Variants in UBR7 observed in about 807,000 individuals in gnomAD.
UBR7 encodes putative E3 ubiquitin-protein ligase UBR7.
A neutral mutation model predicts 57.0 loss-of-function variants in UBR7; 22 were observed. The observed-to-expected ratio is 0.39, with a 90% confidence interval of 0.28 to 0.55. UBR7 has a LOEUF of 0.55. Ranked by LOEUF, UBR7 falls within the 20% of genes least tolerant of loss-of-function variation. The probability of loss-of-function intolerance (pLI) is 0.69; values close to 1 mark genes in which losing one functional copy is unlikely to be tolerated. For missense variants in UBR7, 395 were observed against 513.2 expected (o/e 0.77, Z 2.23); for synonymous variants, 167 against 179.8 (o/e 0.93, Z 0.57).
At position 93,218,680 on chromosome 14, in the gene UBR7, A is replaced by C. The variant is rs758341511; in HGVS notation, c.755A>C (p.Lys252Thr). 1.1e-5 allele frequency: 17 copies of C among 1,614,086 alleles called. No individual in the cohort carries two copies. In the East Asian group the frequency reaches 2.2e-4, roughly 21 times the overall value. The change falls in exon 7 of 11, where the codon AAA (lysine) becomes ACA (threonine). Residue 252 changes from lysine to threonine, a missense_variant. Transcript: ENST00000013070. Reference protein sequence around the residue: ...EQGKDDVREVKVEQNSEPCAG... With the variant: ...EQGKDDVREVTVEQNSEPCAG... ...GGAAAGGATGATGTCCGGGAGGTTAAAGTAGAGCAGAACAGTGAACCATGT... is the reference window on the plus strand; with the variant it reads ...GGAAAGGATGATGTCCGGGAGGTTACAGTAGAGCAGAACAGTGAACCATGT...
chr14:93,229,073 C>T lies in UBR7; in HGVS notation c.*2038C>T. ...CCAACATATTAATGCATGTTTTATG[C>T]AAAACACAAATATGATATTAGTTGC... is the stretch of plus-strand genomic sequence containing the variant. On this transcript the variant is annotated 3_prime_UTR_variant, in exon 11 of 11. Transcript: ENST00000013070. The T allele has an allele frequency of 2.6e-6, 1 of 390,856 alleles. No individual in the cohort carries two copies. The highest frequency in any genetic ancestry group is 1.9e-5 in the South Asian group (1 of 52,946). The allele number at this position is 390,856 out of a possible 1,614,324, so 24.2% of individuals were successfully genotyped here.
chr14:93,208,270 A>C (rs1430614930), intron 1 of UBR7, among the ~76,000 whole-genome samples: 1 of 152,128 alleles, frequency 6.6e-6, no homozygotes, highest in Non-Finnish European at 1.5e-5. Flanking sequence ...GGATTGGAAC[A>C]CTGGGGAGAT....
intron 10 of UBR7, among the ~76,000 whole-genome samples, chr14:93,224,418 G>A (rs563378289): frequency 2.3e-4 from 28 of 121,128 alleles, no homozygotes; most frequent in South Asian, 1.3e-3. Flanking sequence ...TTGCTCTGTC[G>A]CCTAGGTTGG....
chr14:93,226,792 C>CA (rs55907535), intron 10 of UBR7, 151 bp from the exon 11 acceptor site: 9,292 of 344,296 alleles, frequency 0.027, 30 homozygotes, highest in African/African-American at 0.037. Flanking sequence ...CACTCCATCT[C>CA]AAAAAAAAAA....
chr14:93,225,603 A>G (rs955160395), intron 10 of UBR7, among the ~76,000 whole-genome samples: 1 of 152,202 alleles, frequency 6.6e-6, no homozygotes, highest in Non-Finnish European at 1.5e-5. Context: ...TCTGTACTCC[A>G]GCCTGGGTGA....
At position 93,227,257 on chromosome 14, in the gene UBR7, C is replaced by T. The variant is rs769546428; in HGVS notation, c.*222C>T. The T allele has an allele frequency of 2.7e-5, 17 of 628,914 alleles. No individual in the cohort carries two copies. The highest frequency in any genetic ancestry group is 2.0e-4 in the East Asian group (6 of 30,506). The allele number at this position is 628,914 out of a possible 1,614,324, so 39.0% of individuals were successfully genotyped here. On this transcript the variant is annotated 3_prime_UTR_variant, in exon 11 of 11. Transcript: ENST00000013070. The stretch of plus-strand genomic sequence containing the variant: ...CTGATGCAGCTCATTCCACAGACTT[C>T]TCCAGTGTACTCCTACTCCAGTGCA...
rs1236894554 is a variant in UBR7 at position 93,228,124 on chromosome 14, A to G, written c.*1089A>G. ...GATTACAAACAAGGCCCGAGGCTGC[A>G]CGAATGATGAGTTTTGTGTATATAA... is the stretch of plus-strand genomic sequence containing the variant. On this transcript the variant is annotated 3_prime_UTR_variant, in exon 11 of 11. Coordinates refer to ENST00000013070, the MANE Select transcript of UBR7 (RefSeq NM_175748.4). 1 of 654,996 alleles carries G rather than the reference A, an allele frequency of 1.5e-6. No homozygotes were observed. The highest frequency in any genetic ancestry group is 2.1e-5 in the Admixed American group (1 of 48,550). 40.6% of individuals were successfully genotyped at this position (654,996 alleles called of 1,614,324 possible).
At chr14:93,221,480 C>T (rs1469704314) in intron 9 of UBR7, among the ~76,000 whole-genome samples, 2 of 151,124 alleles carry the variant, frequency 1.3e-5, no homozygotes, top group African/African-American at 4.9e-5. Context: ...GTCTCGAACT[C>T]CCGAGCTGAG....
intron 9 of UBR7, among the ~76,000 whole-genome samples, chr14:93,222,105 C>CTT (rs746135012): frequency 7.4e-6 from 1 of 135,632 alleles, no homozygotes; most frequent in Non-Finnish European, 1.6e-5. Context: ...AAAAATTTTG[C>CTT]TTTTTTTTTT....
chr14:93,217,587 TTCTGTC>T (rs1894615888), intron 6 of UBR7, among the ~76,000 whole-genome samples: 1 of 152,256 alleles, frequency 6.6e-6, no homozygotes, highest in Non-Finnish European at 1.5e-5. Flanking sequence ...TCTTGTATTA[TTCTGTC>T]TCTAACAAGT....
At position 93,227,171 on chromosome 14, in the gene UBR7, T is replaced by C. The variant is rs1275154469; in HGVS notation, c.*136T>C. 1 of 682,700 alleles carries C rather than the reference T, an allele frequency of 1.5e-6. No individual in the cohort carries two copies. The highest frequency in any genetic ancestry group is 3.1e-5 in the East Asian group (1 of 32,472). The allele number at this position is 682,700 out of a possible 1,614,324, so 42.3% of individuals were successfully genotyped here. A position where few individuals can be genotyped will look rare whatever the true frequency, so the allele number is the denominator to read the frequency against. On this transcript the variant is annotated 3_prime_UTR_variant, in exon 11 of 11. Coordinates refer to ENST00000013070, the MANE Select transcript of UBR7 (RefSeq NM_175748.4). ...GAGGCCTCGCGCTCCCTTCATTCTC[T>C]TTAGCTGCAGTAGCCACCGTGTGGA...
At chr14:93,220,223 T>TTTC in intron 8 of UBR7, 26 bp from the exon 9 acceptor site, 1 of 138,178 alleles carries the variant, frequency 7.2e-6, no homozygotes, top group Non-Finnish European at 1.3e-5. Flanking sequence ...CTCCTCTTTC[T>TTTC]TTTTTTTTTT....
At chr14:93,214,730 C>T (rs921565410) in intron 4 of UBR7, among the ~76,000 whole-genome samples, 199 bp from the exon 5 acceptor site, 1 of 152,216 alleles carries the variant, frequency 6.6e-6, no homozygotes, top group South Asian at 2.1e-4. Context: ...CTTGTCTACA[C>T]AGTTTTGTGA....
intron 1 of UBR7, 72 bp downstream of exon 1, chr14:93,207,513 A>G: frequency 6.8e-7 from 1 of 1,465,016 alleles, no homozygotes; most frequent in East Asian, 2.5e-5. Context: ...GGCTGTCCCT[A>G]TTCCCGCCTT....
intron 6 of UBR7, among the ~76,000 whole-genome samples, chr14:93,217,441 C>T (rs1008928860): frequency 6.6e-6 from 1 of 152,186 alleles, no homozygotes; most frequent in Non-Finnish European, 1.5e-5. Flanking sequence ...GCTCCCCTAT[C>T]GTTTCTCTTC....
At chr14:93,222,216 C>A (rs1894723250) in intron 9 of UBR7, 97 bp from the exon 10 acceptor site, 1 of 831,768 alleles carries the variant, frequency 1.2e-6, no homozygotes, top group Non-Finnish European at 2.0e-6. Context: ...ATTTAGACTA[C>A]ATTATTAACA....
At chr14:93,219,417 A>G in intron 8 of UBR7, 56 bp downstream of exon 8, 2 of 1,606,350 alleles carry the variant, frequency 1.2e-6, no homozygotes, top group African/African-American at 1.3e-5. Flanking sequence ...GTGCCCCAAA[A>G]TAAGAACACC....
At chr14:93,211,621 G>C (rs68107447) in intron 3 of UBR7, among the ~76,000 whole-genome samples, 21,736 of 151,998 alleles carry the variant, frequency 0.14, 2,074 homozygotes, top group East Asian at 0.43. Context: ...CAACACTTTG[G>C]GAGGCCTAGG....
chr14:93,210,077 ATTAAT>A, intron 2 of UBR7, 120 bp downstream of exon 2: 3 of 638,366 alleles, frequency 4.7e-6, no homozygotes, highest in South Asian at 5.6e-5. Flanking sequence ...AAATTAATTA[ATTAAT>A]TTATTTATTT....
Sources: gnomAD v4.1 joint callset for allele counts (sites outside exome capture counted in the v4.1 genomes callset) on GRCh38, gnomAD v4.1.1 for gene constraint, MANE v1.5 for transcripts, NCBI Gene and HGNC (gene_info 2026-07-23, HGNC 2026-07-21) for gene names.